CDK14: variants seen among roughly 807,000 people sequenced by gnomAD.
The protein encoded by CDK14 is cyclin dependent kinase 14.
CDK14 carries 34 observed loss-of-function variants against 60.7 expected under a neutral mutation model. The ratio of observed to expected loss-of-function variants is 0.56; its 90% CI spans 0.43 to 0.75. The LOEUF is 0.75. Ranked by LOEUF, CDK14 falls within the 30% of genes least tolerant of loss-of-function variation. The pLI is 0.00. For synonymous variants in CDK14, 197 were observed against 203.7 expected (o/e 0.97, Z 0.28); for missense variants, 482 against 564.1 (o/e 0.85, Z 1.47).
At chr7:91,152,628 G>C (rs1178201962) in intron 14 of CDK14, among the ~76,000 whole-genome samples, 2 of 152,040 alleles carry the variant, frequency 1.3e-5, no homozygotes, top group Admixed American at 6.6e-5. Flanking sequence ...CTATGTGCTG[G>C]GGCTGTAAAG....
chr7:91,067,202 C>T (rs959420606), intron 11 of CDK14, among the ~76,000 whole-genome samples: 1 of 152,092 alleles, frequency 6.6e-6, no homozygotes, highest in African/African-American at 2.4e-5. Context: ...CAAAACTTAA[C>T]GTGGCTAATT....
chr7:90,704,750 G>A (rs1389405396), intron 2 of CDK14, among the ~76,000 whole-genome samples: 2 of 152,064 alleles, frequency 1.3e-5, no homozygotes, highest in Non-Finnish European at 2.9e-5. Flanking sequence ...GGATAGGTTT[G>A]GTATTGTGGT....
intron 2 of CDK14, among the ~76,000 whole-genome samples, chr7:90,629,968 A>G (rs1194873200): frequency 6.6e-6 from 1 of 152,094 alleles, no homozygotes; most frequent in Non-Finnish European, 1.5e-5. Flanking sequence ...CAGAGGTTGC[A>G]GTGAGCCAAG....
chr7:90,617,674 T>C (rs1407578193), intron 2 of CDK14, among the ~76,000 whole-genome samples: 3 of 152,204 alleles, frequency 2.0e-5, no homozygotes, highest in East Asian at 3.8e-4. Context: ...AATTACTCTT[T>C]AGGTTTTAGA....
intron 8 of CDK14, among the ~76,000 whole-genome samples, chr7:90,920,653 A>C (rs1367832810): frequency 6.6e-6 from 1 of 152,228 alleles, no homozygotes; most frequent in Non-Finnish European, 1.5e-5. Flanking sequence ...TTTCTCTTAC[A>C]GGGCTGCCTA....
At chr7:90,705,616 G>A (rs4728931) in intron 2 of CDK14, among the ~76,000 whole-genome samples, 126,433 of 148,830 alleles carry the variant, frequency 0.85, 53,876 homozygotes, top group African/African-American at 0.89. Flanking sequence ...CTGTTGACTC[G>A]AGCCATTCAC....
At chr7:90,924,000 T>C (rs1017755071) in intron 8 of CDK14, among the ~76,000 whole-genome samples, 1 of 152,268 alleles carries the variant, frequency 6.6e-6, no homozygotes, top group African/African-American at 2.4e-5. Flanking sequence ...CATGTGCTAT[T>C]GAAGGCAACA....
intron 10 of CDK14, among the ~76,000 whole-genome samples, chr7:91,035,274 C>A (rs1488228626): frequency 6.6e-6 from 1 of 152,208 alleles, no homozygotes; most frequent in African/African-American, 2.4e-5. Flanking sequence ...AACTAGTGCA[C>A]TGTGTCTATG....
chr7:90,842,410 G>T (rs1431364861), intron 5 of CDK14, among the ~76,000 whole-genome samples: 1 of 152,154 alleles, frequency 6.6e-6, no homozygotes, highest in South Asian at 2.1e-4. Context: ...GTGAAAGAAG[G>T]CAGTGAGAAT....
chr7:90,948,047 A>G (rs1224891484), intron 8 of CDK14, among the ~76,000 whole-genome samples: 1 of 152,210 alleles, frequency 6.6e-6, no homozygotes, highest in African/African-American at 2.4e-5. Flanking sequence ...CATGTTTACA[A>G]ACAAATGCCT....
chr7:91,015,659 C>G (rs1199685292), intron 10 of CDK14, among the ~76,000 whole-genome samples: 1 of 149,890 alleles, frequency 6.7e-6, no homozygotes, highest in Non-Finnish European at 1.5e-5. Flanking sequence ...TCCCGAGTAA[C>G]TGGGACTACA....
chr7:91,138,378 C>A (rs907630388), intron 14 of CDK14, among the ~76,000 whole-genome samples: 2 of 151,996 alleles, frequency 1.3e-5, no homozygotes, highest in Non-Finnish European at 2.9e-5. Flanking sequence ...TTTCTTAGAG[C>A]CTCTTGCTAA....
At chr7:91,147,162 T>TCTCTCTCTCACACACA (rs1438870514) in intron 14 of CDK14, among the ~76,000 whole-genome samples, 5 of 124,696 alleles carry the variant, frequency 4.0e-5, no homozygotes, top group African/African-American at 1.3e-4. Context: ...TCTCTCTCTC[T>TCTCTCTCTCACACACA]CACACACACA....
intron 3 of CDK14, among the ~76,000 whole-genome samples, chr7:90,743,906 G>GT (rs200743433): frequency 0.022 from 3,289 of 149,142 alleles, 33 homozygotes; most frequent in Middle Eastern, 0.035. Context: ...GATTTTCTTT[G>GT]TTTTTTTTAT....
At chr7:91,068,151 C>T (rs1434916605) in intron 11 of CDK14, among the ~76,000 whole-genome samples, 2 of 152,230 alleles carry the variant, frequency 1.3e-5, no homozygotes, top group African/African-American at 4.8e-5. Context: ...TCCTATTCTA[C>T]ACCAACTGGC....
At chr7:90,858,216 G>GA (rs879298620) in intron 5 of CDK14, among the ~76,000 whole-genome samples, 3 of 152,206 alleles carry the variant, frequency 2.0e-5, no homozygotes, top group Admixed American at 2.0e-4. Context: ...TCACTTTCAA[G>GA]AAAAAACATT....
Position 91,088,123 on chromosome 7 carries a change from G to C in CDK14, c.1154+8643G>C, listed in dbSNP as rs73400926. Among the ~76,000 whole-genome samples, 1,233 of 152,268 alleles carry C rather than the reference G, an allele frequency of 8.1e-3. 18 individuals carry two copies. The highest frequency in any genetic ancestry group is 0.027 in the African/African-American group (1,139 of 41,546). On this transcript the variant is annotated intron_variant, in intron 12 of 14. Coordinates refer to ENST00000380050, the MANE Select transcript of CDK14 (RefSeq NM_001287135.2). Reference sequence around the variant, plus strand: ...GCATCCATTTGGCCCAGTCATTTCAGAGGTGAGACTAAAAGTAATTATCCT... The same window carrying C: ...GCATCCATTTGGCCCAGTCATTTCACAGGTGAGACTAAAAGTAATTATCCT...
rs116653758 is a variant in CDK14, at chr7:90,826,815, A to G, written c.544+36163A>G. On this transcript the variant is annotated intron_variant, in intron 5 of 14. Transcript: ENST00000380050. ...CTGGCACACAGTTCCCTTTATTATT[A>G]ACATCTTGTATTATTGTGGTACATT... is the stretch of plus-strand genomic sequence containing the variant. 7.9e-3 allele frequency among the ~76,000 whole-genome samples: 1,197 copies of G among 152,178 alleles called. 14 individuals carry two copies. The highest frequency in any genetic ancestry group is 0.027 in the African/African-American group (1,103 of 41,502).
chr7:90,745,210 C>G (rs1008750262), intron 3 of CDK14, among the ~76,000 whole-genome samples: 1 of 152,114 alleles, frequency 6.6e-6, no homozygotes, highest in African/African-American at 2.4e-5. Flanking sequence ...TGCCTTTTCC[C>G]CCATCACTCC....
Sources: gnomAD v4.1 joint callset for allele counts (sites outside exome capture counted in the v4.1 genomes callset) on GRCh38, gnomAD v4.1.1 for gene constraint, MANE v1.5 for transcripts, NCBI Gene and HGNC (gene_info 2026-07-23, HGNC 2026-07-21) for gene names.